SUPT3H: variants seen among roughly 807,000 people sequenced by gnomAD.
SUPT3H encodes the protein SPT3 homolog, SAGA and STAGA complex component.
In SUPT3H, 44 loss-of-function variants were observed where a neutral mutation model predicts 44.3. The ratio of observed to expected loss-of-function variants is 0.99; its 90% CI spans 0.78 to 1.28. The LOEUF is 1.28. SUPT3H is among the 50% of genes most tolerant of loss of function. SUPT3H has a pLI of 0.00. For synonymous variants in SUPT3H, 124 were observed against 125.6 expected (o/e 0.99, Z 0.09); for missense variants, 380 against 387.1 (o/e 0.98, Z 0.15).
chr6:45,153,130 GA>G (rs1807221972), intron 2 of SUPT3H, among the ~76,000 whole-genome samples: 1 of 152,090 alleles, frequency 6.6e-6, no homozygotes, highest in South Asian at 2.1e-4. Flanking sequence ...TCATCATATT[GA>G]AAATATCAGC....
intron 2 of SUPT3H, among the ~76,000 whole-genome samples, chr6:45,324,029 G>A (rs1211573016): frequency 6.6e-6 from 1 of 152,024 alleles, no homozygotes; most frequent in African/African-American, 2.4e-5. Context: ...TGCATTGTGG[G>A]TAGTAGTTTC....
intron 3 of SUPT3H, among the ~76,000 whole-genome samples, chr6:45,094,462 A>G (rs1282961206): frequency 6.6e-6 from 1 of 152,160 alleles, no homozygotes; most frequent in Admixed American, 6.5e-5. Context: ...TGAAGTAAAG[A>G]CTGCTTTTCA....
intron 10 of SUPT3H, among the ~76,000 whole-genome samples, chr6:44,892,575 T>C (rs1040273689): frequency 1.3e-5 from 2 of 152,174 alleles, no homozygotes; most frequent in African/African-American, 4.8e-5. Flanking sequence ...ATTTAGATAA[T>C]CTGCATGCAA....
At chr6:44,886,371 G>A (rs891889677) in intron 10 of SUPT3H, among the ~76,000 whole-genome samples, 1 of 152,082 alleles carries the variant, frequency 6.6e-6, no homozygotes, top group African/African-American at 2.4e-5. Context: ...CAGAGAGAAA[G>A]GTCGGGTTAC....
At chr6:45,270,364 C>G (rs1584599200) in intron 2 of SUPT3H, among the ~76,000 whole-genome samples, 2 of 152,110 alleles carry the variant, frequency 1.3e-5, no homozygotes, top group East Asian at 1.9e-4. Flanking sequence ...CTTTAATTCC[C>G]AGGTGTTGTG....
intron 2 of SUPT3H, among the ~76,000 whole-genome samples, chr6:45,177,683 G>C (rs6910654): frequency 0.85 from 127,971 of 150,560 alleles, 54,653 homozygotes; most frequent in African/African-American, 0.89. Context: ...GGTCGGGTTA[G>C]CCTCAAAGGG....
chr6:44,974,774 C>G (rs1778083079), intron 6 of SUPT3H, among the ~76,000 whole-genome samples: 1 of 152,180 alleles, frequency 6.6e-6, no homozygotes, highest in African/African-American at 2.4e-5. Flanking sequence ...ACAAATGTTG[C>G]TATATTTAAC....
At chr6:45,200,504 G>A (rs1762312188) in intron 2 of SUPT3H, among the ~76,000 whole-genome samples, 1 of 151,294 alleles carries the variant, frequency 6.6e-6, no homozygotes, top group Non-Finnish European at 1.5e-5. Flanking sequence ...ATATTTTTTA[G>A]GTGCAGCTGG....
intron 10 of SUPT3H, among the ~76,000 whole-genome samples, chr6:44,834,393 G>A (rs1322597529): frequency 1.3e-5 from 2 of 152,002 alleles, no homozygotes; most frequent in African/African-American, 4.8e-5. Flanking sequence ...CTCACTTTAG[G>A]TTATCTGTAG....
At chr6:45,222,923 A>T (rs1366021092) in intron 2 of SUPT3H, among the ~76,000 whole-genome samples, 1 of 152,164 alleles carries the variant, frequency 6.6e-6, no homozygotes, top group African/African-American at 2.4e-5. Context: ...ATTATGTTTG[A>T]GTAAAAAAGA....
chr6:44,889,533 T>C (rs1762927343), intron 10 of SUPT3H, among the ~76,000 whole-genome samples: 1 of 152,182 alleles, frequency 6.6e-6, no homozygotes, highest in African/African-American at 2.4e-5. Context: ...ATTTAATAAA[T>C]GGTGCTGGGA....
At chr6:44,840,791 T>C (rs915239626) in intron 10 of SUPT3H, among the ~76,000 whole-genome samples, 1 of 152,274 alleles carries the variant, frequency 6.6e-6, no homozygotes, top group Non-Finnish European at 1.5e-5. Context: ...TTTCATGCAC[T>C]GACTCTTAGA....
intron 2 of SUPT3H, among the ~76,000 whole-genome samples, chr6:45,141,338 C>CAAA (rs1162738855): frequency 0.015 from 684 of 45,082 alleles, 111 homozygotes; most frequent in African/African-American, 0.045. Flanking sequence ...GACTCCATCT[C>CAAA]AAAAAAAAAA....
rs543658249 is a variant in SUPT3H at position 45,213,738 on chromosome 6, G to GA, written c.102-107733dup. On this transcript the variant is annotated intron_variant, in intron 2 of 10. Coordinates refer to ENST00000371459, the MANE Select transcript of SUPT3H (RefSeq NM_003599.4). The stretch of plus-strand genomic sequence containing the variant: ...AATGTTCGTTATTTATTAAAAGCTA[G>GA]AAAAAAATCTAAATTTTTATAAGTT... 1.1e-3 allele frequency among the ~76,000 whole-genome samples: 167 copies of GA among 151,780 alleles called. 1 individual carries two copies. Among genetic ancestry groups the GA allele is most frequent in the African/African-American group, 3.6e-3 (151 of 41,472 alleles).
At chr6:45,340,456 T>C (rs1026544081) in intron 2 of SUPT3H, among the ~76,000 whole-genome samples, 4 of 151,998 alleles carry the variant, frequency 2.6e-5, no homozygotes, top group East Asian at 1.9e-4. Flanking sequence ...CCCAGGTAGC[T>C]TGGACTACAG....
intron 2 of SUPT3H, among the ~76,000 whole-genome samples, chr6:45,241,206 G>GC (rs201924393): frequency 0.04 from 5,704 of 143,064 alleles, 112 homozygotes; most frequent in African/African-American, 0.048. Context: ...TTGGGAACAG[G>GC]CCCCCCCCCA....
At chr6:44,891,604 A>C (rs957000501) in intron 10 of SUPT3H, among the ~76,000 whole-genome samples, 7 of 152,074 alleles carry the variant, frequency 4.6e-5, no homozygotes, top group Admixed American at 2.0e-4. Context: ...TTGGGGAGGA[A>C]AGAATGGGTT....
intron 2 of SUPT3H, among the ~76,000 whole-genome samples, chr6:45,265,522 C>G (rs1468704186): frequency 1.3e-5 from 2 of 152,086 alleles, no homozygotes; most frequent in African/African-American, 4.8e-5. Flanking sequence ...TTAGCAATCA[C>G]AACCTTGAGC....
intron 2 of SUPT3H, among the ~76,000 whole-genome samples, chr6:45,196,516 C>A (rs757172498): frequency 2.6e-5 from 4 of 152,016 alleles, no homozygotes; most frequent in Non-Finnish European, 5.9e-5. Context: ...TATATTTTCA[C>A]TAACTGAAAG....
Sources: allele counts gnomAD v4.1 joint callset (sites outside exome capture counted in the v4.1 genomes callset), GRCh38; gene constraint gnomAD v4.1.1; transcripts MANE v1.5; gene names NCBI Gene and HGNC (gene_info 2026-07-23, HGNC 2026-07-21).